The following INPP5A variants were observed in gnomAD, a reference collection of about 807,000 sequenced individuals.
The protein encoded by INPP5A is inositol polyphosphate-5-phosphatase A, also known as 43 kDa inositol polyphosphate 5-phophatase.
A neutral mutation model predicts 65.2 loss-of-function variants in INPP5A; 14 were observed. The observed-to-expected ratio is 0.21, with a 90% CI of 0.14 to 0.34. INPP5A has a LOEUF of 0.34. Ranked by LOEUF, INPP5A falls within the 10% of genes least tolerant of loss-of-function variation. The probability of loss-of-function intolerance (pLI) is 1.00; values close to 1 mark genes in which losing one functional copy is unlikely to be tolerated. For missense variants in INPP5A, 431 were observed against 545.6 expected (o/e 0.79, Z 2.09); for synonymous variants, 207 against 208.3 (o/e 0.99, Z 0.05).
Position 132,675,964 on chromosome 10 carries a change from T to TA in INPP5A, c.307-14426dup, listed in dbSNP as rs530926055. ...TATACATGAAATGTAATTGAAAAGC[T>TA]AATGATTTTTAGAAGACAAAAGATA... On this transcript the variant is annotated intron_variant, in intron 4 of 15. Transcript: ENST00000368594. The surrounding 1 kb of genome is among the most constrained non-coding windows in gnomAD (Gnocchi z 4.2). Among the ~76,000 whole-genome samples the TA allele has an allele frequency of 1.1e-3, 164 of 152,348 alleles. No individual in the cohort carries two copies. Among genetic ancestry groups the TA allele is most frequent in the African/African-American group, 3.7e-3 (155 of 41,568 alleles).
intron 11 of INPP5A, among the ~76,000 whole-genome samples, chr10:132,756,279 C>T (rs114597117): frequency 1.4e-3 from 220 of 151,860 alleles, no homozygotes; most frequent in East Asian, 5.6e-3. Context: ...TGTACGCATG[C>T]GTGTGCATGT....
At chr10:132,726,032 G>T (rs141809468) in intron 8 of INPP5A, among the ~76,000 whole-genome samples, 1 of 152,040 alleles carries the variant, frequency 6.6e-6, no homozygotes, top group Admixed American at 6.5e-5. Flanking sequence ...GACTGGAGCC[G>T]CTGAGGGGAG....
intron 9 of INPP5A, among the ~76,000 whole-genome samples, chr10:132,735,002 A>T (rs970964529): frequency 6.6e-6 from 1 of 152,138 alleles, no homozygotes; most frequent in East Asian, 1.9e-4. Flanking sequence ...AGGGCCTCCC[A>T]GAGGGCTTAG....
chr10:132,583,621 G>A (rs7084105), intron 1 of INPP5A, among the ~76,000 whole-genome samples: 97,819 of 152,008 alleles, frequency 0.64, 32,171 homozygotes, highest in African/African-American at 0.78. Flanking sequence ...GAGCGTTTTC[G>A]CCGTCGAGGA....
rs1415890501 is a variant in INPP5A, at chr10:132,651,337, C to T, written c.306+832C>T. Among the ~76,000 whole-genome samples, 7 of 142,164 alleles carry T rather than the reference C, an allele frequency of 4.9e-5. No homozygotes were observed. The East Asian group carries it at 1.5e-3, about 30-fold the overall frequency. The allele number at this position is 142,164 out of a possible 152,430, so 93.3% of individuals were successfully genotyped here. A position where few individuals can be genotyped will look rare whatever the true frequency, so the allele number is the denominator to read the frequency against. The stretch of plus-strand genomic sequence containing the variant: ...TGGGTCCCCCGGCCTGGATCCATCT[C>T]CCCCGTCTCTGGGGAGGCCCTGGGT... On this transcript the variant is annotated intron_variant, in intron 4 of 15. Transcript: ENST00000368594. This position sits in a 1 kb window ranked among gnomAD's most constrained non-coding sequence, Gnocchi z 5.0.
intron 14 of INPP5A, among the ~76,000 whole-genome samples, chr10:132,781,493 G>T (rs899887140): frequency 6.6e-6 from 1 of 152,254 alleles, no homozygotes; most frequent in African/African-American, 2.4e-5. Context: ...CGGATAAGAC[G>T]CTGGACCTGC....
intron 4 of INPP5A, among the ~76,000 whole-genome samples, chr10:132,688,301 G>A (rs1265752897): frequency 6.6e-6 from 1 of 152,154 alleles, no homozygotes; most frequent in East Asian, 1.9e-4. Flanking sequence ...GCCTCCTGAC[G>A]CCCCAGTGTG....
intron 2 of INPP5A, among the ~76,000 whole-genome samples, chr10:132,625,908 CTT>C (rs1422338121): frequency 1.3e-5 from 2 of 151,534 alleles, no homozygotes; most frequent in South Asian, 2.1e-4. Flanking sequence ...TGTTTGTAAA[CTT>C]GAGGTAGTTT....
In INPP5A at chr10:132,538,064, C is replaced by CGCCCA. The variant is rs1392340486; in HGVS notation, c.-25_-21dup. The CGCCCA allele has an allele frequency of 6.5e-6, 7 of 1,074,842 alleles. No individual in the cohort carries two copies. Among genetic ancestry groups the CGCCCA allele is most frequent in the Non-Finnish European group, 6.8e-6 (6 of 884,832 alleles). The allele number at this position is 1,074,842 out of a possible 1,614,324, so 66.6% of individuals were successfully genotyped here. ...CGGAGGAAGCGGCCGCCGCCGCCGC[C>CGCCCA]GCCCAGCCCAGCGCCCGCGCCGCCC... On this transcript the variant is annotated 5_prime_UTR_variant, in exon 1 of 16. Coordinates refer to ENST00000368594, the MANE Select transcript of INPP5A (RefSeq NM_005539.5). This position sits in a 1 kb window ranked among gnomAD's most constrained non-coding sequence, Gnocchi z 4.1.
At chr10:132,593,196 C>T (rs1423336035) in intron 1 of INPP5A, among the ~76,000 whole-genome samples, 1 of 152,196 alleles carries the variant, frequency 6.6e-6, no homozygotes, top group African/African-American at 2.4e-5. Context: ...TTCATTATGT[C>T]TGCCTGACAC....
intron 11 of INPP5A, 64 bp from the exon 12 acceptor site, chr10:132,765,705 CACAG>C: frequency 1.1e-6 from 1 of 921,546 alleles, no homozygotes; most frequent in Non-Finnish European, 1.8e-6. Context: ...CCCAGCTGCA[CACAG>C]ACACACGTGC....
chr10:132,642,885 G>C (rs528270598), intron 2 of INPP5A, among the ~76,000 whole-genome samples: 1 of 152,148 alleles, frequency 6.6e-6, no homozygotes, highest in Non-Finnish European at 1.5e-5. Flanking sequence ...TTTCTGTCAC[G>C]TGCTTGAAAT....
chr10:132,650,518 C>T lies in INPP5A; in HGVS notation c.306+13C>T, dbSNP rs368753307. 110 of 1,590,018 alleles carry T rather than the reference C, an allele frequency of 6.9e-5. No homozygotes were observed. The African/African-American group carries it at 1.2e-3, about 17-fold the overall frequency. ...GGAGCACTTCACGGTGAGTCCCTCC[C>T]GCTGCCTGGTGCAGGGGTCAGACAG... On this transcript the variant is annotated intron_variant, in intron 4 of 15. Transcript: ENST00000368594. The surrounding 1 kb of genome is among the most constrained non-coding windows in gnomAD (Gnocchi z 5.5).
chr10:132,572,308 G>A (rs1346679961), intron 1 of INPP5A, among the ~76,000 whole-genome samples: 4 of 152,206 alleles, frequency 2.6e-5, no homozygotes, highest in East Asian at 1.9e-4. Flanking sequence ...GATGCCCCTG[G>A]TGGCAAGATG....
chr10:132,726,897 G>T lies in INPP5A; in HGVS notation c.724G>T (p.Val242Phe). 1 of 1,606,950 alleles carries T rather than the reference G, an allele frequency of 6.2e-7. No individual in the cohort carries two copies. Among genetic ancestry groups the T allele is most frequent in the Non-Finnish European group, 8.5e-7 (1 of 1,174,724 alleles). ...CAACTTCCGGCTGGATTCCAAGTCC[G>T]TCGTGGAGGTAGGCGCTGGCTTCCC... ...DFNFRLDSKS[V>F]VETLCTKATM... The change falls in exon 9 of 16, where the codon GTC becomes TTC. Residue 242 changes from valine (V) to phenylalanine (F), a missense_variant. Physicochemically the swap from Val to Phe is conservative, Grantham distance 50 (BLOSUM62 -1). Transcript: ENST00000368594.
rs375273912 is a variant in INPP5A, at chr10:132,627,486, G to T, written c.118-18382G>T. Among the ~76,000 whole-genome samples the T allele has an allele frequency of 2.0e-4, 30 of 152,288 alleles. No individual in the cohort carries two copies. The highest frequency in any genetic ancestry group is 3.9e-4 in the Admixed American group (6 of 15,308). ...TGCAGCTGTCCGCGGTGGCTGCCTC[G>T]TCCAGCAGCGTCCCTGCCAGAAGTG... On this transcript the variant is annotated intron_variant, in intron 2 of 15. Transcript: ENST00000368594. The surrounding 1 kb of genome is among the most constrained non-coding windows in gnomAD (Gnocchi z 6.6).
At chr10:132,579,541 G>A (rs2133297643) in intron 1 of INPP5A, among the ~76,000 whole-genome samples, 1 of 152,268 alleles carries the variant, frequency 6.6e-6, no homozygotes, top group Admixed American at 6.5e-5. Context: ...CTGGGCTGAT[G>A]CTTGCTGTGG....
intron 8 of INPP5A, among the ~76,000 whole-genome samples, chr10:132,719,311 C>T (rs1845812888): frequency 6.7e-6 from 1 of 149,610 alleles, no homozygotes; most frequent in Admixed American, 6.7e-5. Context: ...GTCTGGGCGC[C>T]TTAGGCGGCT....
At position 132,718,921 on chromosome 10, in the gene INPP5A, G is replaced by C. The variant is rs567282879; in HGVS notation, c.648-7900G>C. Among the ~76,000 whole-genome samples the C allele has an allele frequency of 4.7e-5, 7 of 149,796 alleles. 1 individual carries two copies. The highest frequency in any genetic ancestry group is 5.9e-5 in the Non-Finnish European group (4 of 67,338). On this transcript the variant is annotated intron_variant, in intron 8 of 15. Coordinates refer to ENST00000368594, the MANE Select transcript of INPP5A (RefSeq NM_005539.5). ...TGGACGCCTTAGACGGCTGTCTTGC[G>C]GGTTCTGTGGTACCTGGGTTCTGTC...
Sources: allele counts gnomAD v4.1 joint callset (sites outside exome capture counted in the v4.1 genomes callset), GRCh38; gene constraint gnomAD v4.1.1; non-coding constraint Gnocchi (gnomAD v3.1); transcripts MANE v1.5; gene names NCBI Gene and HGNC (gene_info 2026-07-23, HGNC 2026-07-21).